The following ABCB7 variants were observed in gnomAD, a reference collection of about 807,000 sequenced individuals.
ABCB7 encodes the protein iron-sulfur clusters transporter ABCB7, mitochondrial.
In ABCB7, 7 loss-of-function variants were observed where a neutral mutation model predicts 54.4. That is an observed-to-expected ratio of 0.13 (90% CI 0.07 to 0.24). ABCB7 has a LOEUF of 0.24. Among genes scored for constraint, ABCB7 ranks in the 10% least tolerant of loss-of-function variants. The probability of loss-of-function intolerance (pLI) is 1.00; values close to 1 mark genes in which losing one functional copy is unlikely to be tolerated. For missense variants in ABCB7, 356 were observed against 570.4 expected (o/e 0.62, Z 3.83); for synonymous variants, 218 against 207.1 (o/e 1.05, Z -0.45).
intron 1 of ABCB7, among the ~76,000 whole-genome samples, chrX:75,120,124 CTTTG>C (rs1410899511): frequency 8.9e-6 from 1 of 111,735 alleles, no homozygotes; most frequent in Non-Finnish European, 1.9e-5. Context: ...GCTGCTGATC[CTTTG>C]TTTTATTTTT....
At chrX:75,056,674 G>A (rs919041357) in intron 15 of ABCB7, among the ~76,000 whole-genome samples, 1 of 111,241 alleles carries the variant, frequency 9.0e-6, no homozygotes, top group African/African-American at 3.3e-5. Flanking sequence ...ATAGAGTTGG[G>A]ACATTTTTTT....
Position 75,110,877 on chromosome X carries a change from A to G in ABCB7, c.333+2009T>C, listed in dbSNP as rs1020952387. Among the ~76,000 whole-genome samples the G allele has an allele frequency of 5.3e-5, 6 of 112,175 alleles. No homozygotes were observed. In the South Asian group the frequency reaches 1.1e-3, roughly 21 times the overall value. On this transcript the variant is annotated intron_variant, in intron 3 of 15. Transcript: ENST00000373394. ...CACAAACCCTTTATGATCCCATGCT[A>G]TATAAATGGATGATTTAAATAAATT... is the stretch of plus-strand genomic sequence containing the variant.
intron 5 of ABCB7, among the ~76,000 whole-genome samples, chrX:75,075,897 C>T (rs2081404670): frequency 9.0e-6 from 1 of 111,377 alleles, no homozygotes; most frequent in South Asian, 3.7e-4. Context: ...AAATAATAGC[C>T]CACATGGCAT....
intron 1 of ABCB7, among the ~76,000 whole-genome samples, chrX:75,149,956 G>A (rs1400286473): frequency 9.0e-6 from 1 of 111,697 alleles, no homozygotes; most frequent in Admixed American, 9.5e-5. Flanking sequence ...TATTTGTAGA[G>A]AAACAGTTTA....
At chrX:75,154,074 T>C (rs1344353004) in intron 1 of ABCB7, among the ~76,000 whole-genome samples, 1 of 110,764 alleles carries the variant, frequency 9.0e-6, no homozygotes, top group African/African-American at 3.3e-5. Context: ...TTGAAAACTT[T>C]GTAATCATTC....
chrX:75,145,130 C>T (rs185939749), intron 1 of ABCB7, among the ~76,000 whole-genome samples: 1 of 110,846 alleles, frequency 9.0e-6, no homozygotes, highest in East Asian at 2.8e-4. Flanking sequence ...CACGACGAGA[C>T]AGATTCACAG....
chrX:75,084,805 A>T (rs2081483336), intron 4 of ABCB7, among the ~76,000 whole-genome samples: 1 of 112,074 alleles, frequency 8.9e-6, no homozygotes, highest in South Asian at 3.7e-4. Flanking sequence ...CCCAATTAAA[A>T]AATGGACAAA....
intron 4 of ABCB7, among the ~76,000 whole-genome samples, chrX:75,087,423 T>C (rs2081506783): frequency 8.9e-6 from 1 of 112,398 alleles, no homozygotes; most frequent in Admixed American, 9.4e-5. Context: ...AAAATTATTT[T>C]ATATTGTATA....
chrX:75,057,397 T>C (rs904596864), intron 15 of ABCB7, among the ~76,000 whole-genome samples: 7 of 109,777 alleles, frequency 6.4e-5, no homozygotes, highest in Non-Finnish European at 1.1e-4. Flanking sequence ...TTTTTTTTTT[T>C]AATTTTTGGA....
intron 4 of ABCB7, among the ~76,000 whole-genome samples, chrX:75,095,430 A>G (rs2081582398): frequency 8.9e-6 from 1 of 112,780 alleles, no homozygotes; most frequent in African/African-American, 3.2e-5. Context: ...CACACCAATT[A>G]TAAAACACAC....
chrX:75,089,307 CTTAA>C (rs2081525645), intron 4 of ABCB7, among the ~76,000 whole-genome samples: 1 of 111,594 alleles, frequency 9.0e-6, no homozygotes, highest in Non-Finnish European at 1.9e-5. Context: ...TATCTTTATT[CTTAA>C]TTCATCTAAC....
At chrX:75,118,398 CT>C (rs547804880) in intron 1 of ABCB7, among the ~76,000 whole-genome samples, 339 of 97,906 alleles carry the variant, frequency 3.5e-3, no homozygotes, top group Admixed American at 3.8e-3. Flanking sequence ...TTTAAAAGGC[CT>C]TTTTTTTTTT....
intron 4 of ABCB7, among the ~76,000 whole-genome samples, chrX:75,094,545 T>C (rs1383279752): frequency 6.3e-5 from 7 of 110,386 alleles, no homozygotes; most frequent in Non-Finnish European, 1.1e-4. Flanking sequence ...AAACCCCATC[T>C]CCACTAAAAA....
At chrX:75,082,526 T>G (rs1210681102) in intron 4 of ABCB7, among the ~76,000 whole-genome samples, 1 of 112,011 alleles carries the variant, frequency 8.9e-6, no homozygotes, top group East Asian at 2.8e-4. Flanking sequence ...GGTAAATATC[T>G]GTGTAAATAT....
intron 3 of ABCB7, among the ~76,000 whole-genome samples, chrX:75,104,512 A>G (rs2081672131): frequency 9.0e-6 from 1 of 110,594 alleles, no homozygotes; most frequent in African/African-American, 3.3e-5. Context: ...AGAAATACAG[A>G]ACCCACCAAC....
rs769334662 is a variant in ABCB7, at chrX:75,071,630, C to T, written c.1086G>A (p.Thr362=). 38 of 1,202,865 alleles carry T rather than the reference C, an allele frequency of 3.2e-5. No individual in the cohort carries two copies. The African/African-American group carries it at 4.9e-4, about 16-fold the overall frequency. ...EAQRYDGFLK[T]YETASLKSTS... ...TACTTTTCAATGAAGCAGTCTCATACGTCTTCAAAAATCCATCATATCTCT... is the reference window on the plus strand; with the variant it reads ...TACTTTTCAATGAAGCAGTCTCATATGTCTTCAAAAATCCATCATATCTCT... The change falls in exon 9 of 16, where the codon ACG becomes ACA. Residue 362 remains threonine, a synonymous_variant. Transcript: ENST00000373394.
At chrX:75,129,730 G>C (rs941641223) in intron 1 of ABCB7, among the ~76,000 whole-genome samples, 23 of 109,507 alleles carry the variant, frequency 2.1e-4, no homozygotes, top group African/African-American at 6.3e-4. Context: ...CTGAAGGCCA[G>C]GGTAGTTAGT....
intron 1 of ABCB7, among the ~76,000 whole-genome samples, chrX:75,155,823 C>T (rs1320978033): frequency 9.0e-6 from 1 of 111,118 alleles, no homozygotes; most frequent in Non-Finnish European, 1.9e-5. Context: ...GTGTCTACCC[C>T]AACTCTTAAT....
chrX:75,053,956 CAG>C (rs2147439495), intron 15 of ABCB7, among the ~76,000 whole-genome samples: 1 of 112,064 alleles, frequency 8.9e-6, no homozygotes, highest in African/African-American at 3.2e-5. Flanking sequence ...CTGTTATTTA[CAG>C]AGACTTAAAA....
Sources: allele counts gnomAD v4.1 joint callset (sites outside exome capture counted in the v4.1 genomes callset), GRCh38; gene constraint gnomAD v4.1.1; transcripts MANE v1.5; gene names NCBI Gene and HGNC (gene_info 2026-07-23, HGNC 2026-07-21).